Variants in PRKACB observed in about 807,000 individuals in gnomAD.
PRKACB encodes cAMP-dependent protein kinase catalytic subunit beta.
In PRKACB, 16 loss-of-function variants were observed where a neutral mutation model predicts 51.4. The observed-to-expected ratio is 0.31, with a 90% confidence interval of 0.21 to 0.47. The LOEUF (loss-of-function observed/expected upper bound fraction) is 0.47. Ranked by LOEUF, PRKACB falls within the 20% of genes least tolerant of loss-of-function variation. The pLI is 1.00. For synonymous variants in PRKACB, 147 were observed against 154.4 expected (o/e 0.95, Z 0.35); for missense variants, 309 against 464.5 (o/e 0.67, Z 3.08).
chr1:84,133,214 AAGAGT>A (rs1652431268), intron 1 of PRKACB, among the ~76,000 whole-genome samples: 1 of 152,176 alleles, frequency 6.6e-6, no homozygotes, highest in Non-Finnish European at 1.5e-5. Context: ...CAAGCAAGAA[AAGAGT>A]AGAGTAAAAT....
At chr1:84,132,795 CA>C (rs1652373504) in intron 1 of PRKACB, among the ~76,000 whole-genome samples, 1 of 151,376 alleles carries the variant, frequency 6.6e-6, no homozygotes, top group South Asian at 2.1e-4. Flanking sequence ...ATCAGTGAGG[CA>C]AAAATAGGTC....
chr1:84,153,116 G>A (rs1175296446), intron 1 of PRKACB, among the ~76,000 whole-genome samples: 1 of 152,008 alleles, frequency 6.6e-6, no homozygotes, highest in Admixed American at 6.6e-5. Flanking sequence ...AGAAATGGGG[G>A]ACTAGCTGGT....
intron 1 of PRKACB, among the ~76,000 whole-genome samples, chr1:84,086,839 G>A (rs1057438379): frequency 1.3e-5 from 2 of 152,104 alleles, no homozygotes; most frequent in Admixed American, 6.5e-5. Flanking sequence ...GTGGTGGGCT[G>A]GGGAGCCCTG....
chr1:84,228,818 G>A (rs1572575829), intron 9 of PRKACB, among the ~76,000 whole-genome samples: 3 of 152,236 alleles, frequency 2.0e-5, no homozygotes, highest in Admixed American at 2.0e-4. Context: ...TTTTACAAGA[G>A]GGATAGGAAA....
At chr1:84,218,854 C>T (rs2101610409) in intron 9 of PRKACB, among the ~76,000 whole-genome samples, 1 of 152,264 alleles carries the variant, frequency 6.6e-6, no homozygotes, top group African/African-American at 2.4e-5. Context: ...ACGATGATAT[C>T]TCACTGTGGT....
intron 1 of PRKACB, among the ~76,000 whole-genome samples, chr1:84,167,281 C>T (rs1432665401): frequency 6.6e-6 from 1 of 151,556 alleles, no homozygotes; most frequent in Non-Finnish European, 1.5e-5. Context: ...TCAGTTACTC[C>T]CTATTGCCTT....
At chr1:84,118,686 G>A (rs1650821672) in intron 1 of PRKACB, among the ~76,000 whole-genome samples, 1 of 152,004 alleles carries the variant, frequency 6.6e-6, no homozygotes, top group African/African-American at 2.4e-5. Flanking sequence ...CCCCACCAAG[G>A]ACACTGACCT....
chr1:84,104,558 T>G (rs952136978), intron 1 of PRKACB, among the ~76,000 whole-genome samples: 1 of 152,276 alleles, frequency 6.6e-6, no homozygotes, highest in East Asian at 1.9e-4. Flanking sequence ...GCTTCCATAC[T>G]GTTCCATAAT....
intron 1 of PRKACB, among the ~76,000 whole-genome samples, chr1:84,164,142 A>T (rs1656673221): frequency 6.6e-6 from 1 of 152,044 alleles, no homozygotes; most frequent in African/African-American, 2.4e-5. Context: ...CTCCTTTAAA[A>T]ATGCAGATAT....
At chr1:84,182,362 A>G in intron 3 of PRKACB, 34 bp downstream of exon 3, 1 of 1,481,144 alleles carries the variant, frequency 6.8e-7, no homozygotes, top group Non-Finnish European at 9.0e-7. Flanking sequence ...CCTTCAGGGT[A>G]AACTTTAGTT....
At chr1:84,231,624 T>G (rs146291794) in intron 9 of PRKACB, among the ~76,000 whole-genome samples, 19,366 of 152,178 alleles carry the variant, frequency 0.13, 1,998 homozygotes, top group East Asian at 0.34. Context: ...ATTCAGAGAT[T>G]CAACTTCTTC....
chr1:84,215,576 G>A (rs1255906447), intron 9 of PRKACB, among the ~76,000 whole-genome samples: 1 of 152,120 alleles, frequency 6.6e-6, no homozygotes, highest in Non-Finnish European at 1.5e-5. Context: ...TTAATCGCTG[G>A]CATTATTATA....
chr1:84,235,548 G>A lies in PRKACB; in HGVS notation c.*243G>A. The A allele has an allele frequency of 2.5e-6, 1 of 404,826 alleles. No homozygotes were observed. Among genetic ancestry groups the A allele is most frequent in the Admixed American group, 4.3e-5 (1 of 23,248 alleles). 25.1% of individuals were successfully genotyped at this position (404,826 alleles called of 1,614,324 possible). On this transcript the variant is annotated 3_prime_UTR_variant, in exon 10 of 10. Transcript: ENST00000370685. The stretch of plus-strand genomic sequence containing the variant: ...AGACCACTTTCTTACTTCTCTTTGG[G>A]TTGTCTTTCTCCTCTCCTATATCCA...
intron 1 of PRKACB, among the ~76,000 whole-genome samples, chr1:84,169,136 A>C (rs1658528555): frequency 6.6e-6 from 1 of 151,696 alleles, no homozygotes; most frequent in Middle Eastern, 3.2e-3. Context: ...AAAGAAAAGC[A>C]ACAATGTGGA....
chr1:84,157,983 G>A (rs1461406056), intron 1 of PRKACB, among the ~76,000 whole-genome samples: 1 of 152,078 alleles, frequency 6.6e-6, no homozygotes, highest in East Asian at 1.9e-4. Flanking sequence ...TCCCAAAGTG[G>A]TGGTACCATT....
intron 5 of PRKACB, among the ~76,000 whole-genome samples, chr1:84,185,899 C>G (rs1416314474): frequency 6.6e-6 from 1 of 152,070 alleles, no homozygotes; most frequent in Non-Finnish European, 1.5e-5. Flanking sequence ...TCTCTAAATT[C>G]AACATTTTAT....
At chr1:84,084,509 T>C (rs1186166397) in intron 1 of PRKACB, among the ~76,000 whole-genome samples, 1 of 152,130 alleles carries the variant, frequency 6.6e-6, no homozygotes, top group African/African-American at 2.4e-5. Context: ...AGATAAATCA[T>C]TATGGAGCAA....
upstream of PRKACB, among the ~76,000 whole-genome samples, chr1:84,140,743 A>G (rs928456216): frequency 4.6e-5 from 7 of 151,988 alleles, no homozygotes; most frequent in Admixed American, 4.6e-4. Context: ...TTTCACCCCA[A>G]CTTCTTCACT....
At chr1:84,122,474 A>G (rs1427471453) in intron 1 of PRKACB, among the ~76,000 whole-genome samples, 1 of 152,190 alleles carries the variant, frequency 6.6e-6, no homozygotes, top group Non-Finnish European at 1.5e-5. Context: ...AGTCAAATGT[A>G]ATAGAAGAAT....
Sources: allele counts gnomAD v4.1 joint callset (sites outside exome capture counted in the v4.1 genomes callset), GRCh38; gene constraint gnomAD v4.1.1; transcripts MANE v1.5; gene names NCBI Gene and HGNC (gene_info 2026-07-23, HGNC 2026-07-21).